Variants in HSD17B3 observed in about 807,000 individuals in gnomAD.
HSD17B3 encodes hydroxysteroid 17-beta dehydrogenase 3, also known as 17-beta-hydroxysteroid dehydrogenase type 3.
Under a neutral mutation model 41.1 loss-of-function variants are expected in HSD17B3, and 29 were observed. The ratio of observed to expected loss-of-function variants is 0.71; its 90% CI spans 0.53 to 0.96. The LOEUF is 0.96. Among genes scored for constraint, HSD17B3 ranks in the 40% least tolerant of loss-of-function variants. The pLI, the probability that HSD17B3 is intolerant of heterozygous loss-of-function variation, is 0.00. For missense variants in HSD17B3, 323 were observed against 374.6 expected (o/e 0.86, Z 1.14); for synonymous variants, 126 against 145.6 (o/e 0.87, Z 0.97).
At chr9:96,292,653 T>C (rs1827198613) in intron 2 of HSD17B3, among the ~76,000 whole-genome samples, 1 of 152,090 alleles carries the variant, frequency 6.6e-6, no homozygotes, top group Non-Finnish European at 1.5e-5. Context: ...GGGCCCAAAT[T>C]TGTGAAAAGA....
chr9:96,263,799 G>A (rs1039113043), intron 2 of HSD17B3, among the ~76,000 whole-genome samples: 1 of 151,996 alleles, frequency 6.6e-6, no homozygotes, highest in Admixed American at 6.6e-5. Context: ...TGAGGTGGGG[G>A]TTATTGCAAA....
intron 2 of HSD17B3, among the ~76,000 whole-genome samples, chr9:96,282,633 C>T (rs149712851): frequency 1.5e-3 from 235 of 152,318 alleles, no homozygotes; most frequent in African/African-American, 4.5e-3. Context: ...GAGCTAGGCT[C>T]CACACTTGGC....
At chr9:96,241,618 C>T (rs1379811440) in intron 9 of HSD17B3, among the ~76,000 whole-genome samples, 1 of 152,108 alleles carries the variant, frequency 6.6e-6, no homozygotes, top group African/African-American at 2.4e-5. Flanking sequence ...ACCTTATTCC[C>T]AGAACAAAGG....
At chr9:96,256,909 C>A (rs1312869831) in intron 2 of HSD17B3, among the ~76,000 whole-genome samples, 1 of 151,956 alleles carries the variant, frequency 6.6e-6, no homozygotes. Context: ...GTGATTGGAT[C>A]GTGGGGGCCA....
chr9:96,272,405 C>CTCTCTCTCTCTATATATA (rs1239816824), intron 2 of HSD17B3, among the ~76,000 whole-genome samples: 1 of 21,532 alleles, frequency 4.6e-5, no homozygotes, highest in Non-Finnish European at 8.8e-5. Context: ...CTCTCTCTCT[C>CTCTCTCTCTCTATATATA]TATATATATA....
chr9:96,250,955 G>T (rs1431024260), intron 5 of HSD17B3, among the ~76,000 whole-genome samples: 1 of 151,838 alleles, frequency 6.6e-6, no homozygotes, highest in African/African-American at 2.4e-5. Context: ...GCAGTCATGG[G>T]TCTGAGCCAA....
At chr9:96,283,022 AG>A (rs1243931785) in intron 2 of HSD17B3, among the ~76,000 whole-genome samples, 1 of 35,766 alleles carries the variant, frequency 2.8e-5, no homozygotes, top group African/African-American at 1.0e-4. Flanking sequence ...TTTTTTTTTT[AG>A]AGATGGAGTT....
chr9:96,247,041 G>A (rs1836695083), intron 6 of HSD17B3, among the ~76,000 whole-genome samples: 2 of 152,136 alleles, frequency 1.3e-5, no homozygotes, highest in African/African-American at 4.8e-5. Context: ...AACAGCAACC[G>A]CTTACGCAGC....
intron 2 of HSD17B3, among the ~76,000 whole-genome samples, chr9:96,259,859 A>G (rs1825800077): frequency 6.6e-6 from 1 of 152,096 alleles, no homozygotes; most frequent in East Asian, 1.9e-4. Context: ...AGAATTTTTT[A>G]TTTGTTCTGA....
intron 2 of HSD17B3, among the ~76,000 whole-genome samples, chr9:96,257,403 C>G (rs955422386): frequency 6.6e-6 from 1 of 152,106 alleles, no homozygotes; most frequent in Non-Finnish European, 1.5e-5. Flanking sequence ...CCGCCCACCC[C>G]TAGGCTCCCA....
intron 2 of HSD17B3, among the ~76,000 whole-genome samples, chr9:96,278,188 C>T (rs939854298): frequency 3.3e-5 from 5 of 152,070 alleles, no homozygotes; most frequent in African/African-American, 1.2e-4. Flanking sequence ...ACATAGTTAA[C>T]ATAGAACATA....
At chr9:96,265,068 C>T (rs1185826148) in intron 2 of HSD17B3, among the ~76,000 whole-genome samples, 2 of 152,178 alleles carry the variant, frequency 1.3e-5, no homozygotes, top group African/African-American at 4.8e-5. Flanking sequence ...ATCTGACACC[C>T]TTAGGCAGGT....
At chr9:96,300,765 C>T (rs1827566747) in intron 1 of HSD17B3, among the ~76,000 whole-genome samples, 1 of 152,060 alleles carries the variant, frequency 6.6e-6, no homozygotes, top group Non-Finnish European at 1.5e-5. Flanking sequence ...CATGGGCGTT[C>T]CAGTAGATAA....
At chr9:96,298,318 A>T (rs1010631275) in intron 2 of HSD17B3, 98 bp downstream of exon 2, 1 of 937,944 alleles carries the variant, frequency 1.1e-6, no homozygotes, top group Non-Finnish European at 1.8e-6. Flanking sequence ...ATGAATGCAT[A>T]CTGCTTTTAT....
intron 4 of HSD17B3, among the ~76,000 whole-genome samples, chr9:96,252,448 C>G (rs960641346): frequency 6.7e-6 from 1 of 149,888 alleles, no homozygotes; most frequent in Non-Finnish European, 1.5e-5. Context: ...GAGACTGAGG[C>G]AGGAGAATCA....
intron 2 of HSD17B3, among the ~76,000 whole-genome samples, chr9:96,274,467 A>G (rs1826375281): frequency 6.6e-6 from 1 of 152,196 alleles, no homozygotes; most frequent in Admixed American, 6.5e-5. Flanking sequence ...TCTCAAAATA[A>G]ATAAATAAAA....
intron 10 of HSD17B3, among the ~76,000 whole-genome samples, chr9:96,236,694 C>T (rs1172672233): frequency 6.6e-6 from 1 of 151,964 alleles, no homozygotes; most frequent in Non-Finnish European, 1.5e-5. Flanking sequence ...ACATGCAGCA[C>T]TTGCTTTTCA....
At chr9:96,239,532 A>T (rs1319124056) in intron 10 of HSD17B3, 1 of 152,256 alleles carries the variant, frequency 6.6e-6, no homozygotes. Flanking sequence ...CTACATAAAA[A>T]TAGCAAGTAA....
rs1190014352 is a variant in HSD17B3, at chr9:96,249,743, T to C, written c.489+8A>G. On this transcript the variant is annotated splice_region_variant and intron_variant, in intron 6 of 10. Transcript: ENST00000375263. The stretch of plus-strand genomic sequence containing the variant: ...TTAATGCATTTCGCACATATATTGA[T>C]CACATACCTTGACTACGGAGGTGAT... The C allele has an allele frequency of 6.2e-7, 1 of 1,613,752 alleles. No homozygotes were observed. The highest frequency in any genetic ancestry group is 8.5e-7 in the Non-Finnish European group (1 of 1,179,716).
Sources: allele counts gnomAD v4.1 joint callset (sites outside exome capture counted in the v4.1 genomes callset), GRCh38; gene constraint gnomAD v4.1.1; transcripts MANE v1.5; gene names NCBI Gene and HGNC (gene_info 2026-07-23, HGNC 2026-07-21).